The following PARD3 variants were observed in gnomAD, a reference collection of about 807,000 sequenced individuals.
PARD3 encodes par-3 family cell polarity regulator.
In PARD3, 75 loss-of-function variants were observed where a neutral mutation model predicts 155.4. The ratio of observed to expected loss-of-function variants is 0.48; its 90% CI spans 0.40 to 0.58. The LOEUF (loss-of-function observed/expected upper bound fraction) is 0.58, where lower values mean the gene tolerates loss of function less well. PARD3 is among the 20% of genes least tolerant of loss of function. The probability of loss-of-function intolerance (pLI) is 0.00; values close to 1 mark genes in which losing one functional copy is unlikely to be tolerated. For missense variants in PARD3, 1,642 were observed against 1,721.7 expected (o/e 0.95, Z 0.82); for synonymous variants, 576 against 610.5 (o/e 0.94, Z 0.83).
At chr10:34,413,204 A>G (rs575929846) in intron 5 of PARD3, among the ~76,000 whole-genome samples, 1 of 150,858 alleles carries the variant, frequency 6.6e-6, no homozygotes, top group South Asian at 2.1e-4. Context: ...TTTGTAACTG[A>G]TAAGAAACTA....
chr10:34,184,165 C>CA (rs1476524027), intron 22 of PARD3, among the ~76,000 whole-genome samples: 4 of 152,174 alleles, frequency 2.6e-5, no homozygotes, highest in African/African-American at 9.7e-5. Flanking sequence ...CAGACCTTCA[C>CA]ACTGAGGTTT....
chr10:34,765,366 A>C (rs1225357303), intron 1 of PARD3, among the ~76,000 whole-genome samples: 1 of 152,090 alleles, frequency 6.6e-6, no homozygotes, highest in African/African-American at 2.4e-5. Context: ...TTTTGAGTAG[A>C]GCATTTCTTC....
intron 2 of PARD3, among the ~76,000 whole-genome samples, chr10:34,557,667 A>T (rs1476590385): frequency 6.6e-6 from 1 of 152,024 alleles, no homozygotes; most frequent in African/African-American, 2.4e-5. Context: ...CACGTTGCCC[A>T]GGCTGGTCTC....
intron 22 of PARD3, among the ~76,000 whole-genome samples, chr10:34,191,030 A>G (rs1950684313): frequency 1.3e-5 from 2 of 152,116 alleles, no homozygotes; most frequent in South Asian, 2.1e-4. Flanking sequence ...AGGGAGCATC[A>G]GAAAGGCTTT....
At chr10:34,728,242 G>T (rs2094753718) in intron 1 of PARD3, among the ~76,000 whole-genome samples, 1 of 152,074 alleles carries the variant, frequency 6.6e-6, no homozygotes, top group African/African-American at 2.4e-5. Context: ...TTAGGCTCTT[G>T]AATATTTGAC....
chr10:34,386,479 T>C (rs1436714256), intron 7 of PARD3, among the ~76,000 whole-genome samples: 1 of 152,212 alleles, frequency 6.6e-6, no homozygotes, highest in Non-Finnish European at 1.5e-5. Context: ...TAGGATTCCC[T>C]ATTGTTTGTT....
At chr10:34,392,690 G>A (rs1039384353) in intron 7 of PARD3, among the ~76,000 whole-genome samples, 14 of 152,056 alleles carry the variant, frequency 9.2e-5, no homozygotes, top group African/African-American at 3.4e-4. Context: ...GGCTTATATG[G>A]TTTTTTTCAA....
At chr10:34,606,638 CAAAAAAA>C (rs398013195) in intron 2 of PARD3, among the ~76,000 whole-genome samples, 7 of 79,656 alleles carry the variant, frequency 8.8e-5, no homozygotes, top group African/African-American at 9.6e-5. Flanking sequence ...CCCGTGTCTT[CAAAAAAA>C]AAAAAAAAAA....
chr10:34,121,526 T>C (rs1947004241), intron 23 of PARD3, among the ~76,000 whole-genome samples: 3 of 152,248 alleles, frequency 2.0e-5, no homozygotes, highest in Admixed American at 6.5e-5. Flanking sequence ...CAACAGAGTC[T>C]GAACATTCAT....
chr10:34,511,505 G>A (rs2081397390), intron 3 of PARD3, among the ~76,000 whole-genome samples: 1 of 152,162 alleles, frequency 6.6e-6, no homozygotes, highest in South Asian at 2.1e-4. Context: ...ATCCTCACAT[G>A]TAGGAAGGTG....
chr10:34,658,629 A>C (rs1269771346), intron 2 of PARD3, among the ~76,000 whole-genome samples: 1 of 152,168 alleles, frequency 6.6e-6, no homozygotes, highest in Admixed American at 6.5e-5. Context: ...AAAAAATCTA[A>C]AAACGAGAAG....
intron 2 of PARD3, among the ~76,000 whole-genome samples, chr10:34,619,030 T>A (rs984843639): frequency 4.0e-5 from 6 of 151,782 alleles, no homozygotes; most frequent in Non-Finnish European, 7.4e-5. Flanking sequence ...TTCACCAATA[T>A]AGTCCCATAA....
At chr10:34,339,890 A>G (rs769121469) in intron 16 of PARD3, among the ~76,000 whole-genome samples, 2 of 152,220 alleles carry the variant, frequency 1.3e-5, no homozygotes, top group Non-Finnish European at 2.9e-5. Context: ...GGCAGGAATG[A>G]CAGCTGATTC....
chr10:34,577,159 G>A (rs1049679426), intron 2 of PARD3, among the ~76,000 whole-genome samples: 6 of 152,128 alleles, frequency 3.9e-5, no homozygotes, highest in Admixed American at 6.5e-5. Flanking sequence ...GAGCAGCTTC[G>A]AGCTGTAAAT....
intron 22 of PARD3, among the ~76,000 whole-genome samples, chr10:34,134,180 T>C (rs547041574): frequency 1.3e-5 from 2 of 152,342 alleles, no homozygotes; most frequent in Admixed American, 1.3e-4. Context: ...GTTCTTTATG[T>C]GAAACCGTAA....
At chr10:34,229,435 A>T (rs1049957155) in intron 22 of PARD3, among the ~76,000 whole-genome samples, 1 of 151,954 alleles carries the variant, frequency 6.6e-6, no homozygotes, top group South Asian at 2.1e-4. Flanking sequence ...TATTCTAGTG[A>T]TAGGGTCTTG....
intron 22 of PARD3, among the ~76,000 whole-genome samples, chr10:34,177,164 G>C (rs1450004465): frequency 6.6e-6 from 1 of 152,078 alleles, no homozygotes; most frequent in Non-Finnish European, 1.5e-5. Flanking sequence ...ATACAGGTAC[G>C]CTGAAGGCAA....
intron 20 of PARD3, among the ~76,000 whole-genome samples, chr10:34,302,106 G>C (rs1452346496): frequency 6.6e-6 from 1 of 152,052 alleles, no homozygotes; most frequent in Non-Finnish European, 1.5e-5. Context: ...GCCATATCGA[G>C]TCATTTATGA....
At chr10:34,643,746 T>C (rs1303564813) in intron 2 of PARD3, among the ~76,000 whole-genome samples, 1 of 152,094 alleles carries the variant, frequency 6.6e-6, no homozygotes, top group Non-Finnish European at 1.5e-5. Context: ...TGAGACTCCA[T>C]CTCTACCAAA....
Sources: gnomAD v4.1 joint callset for allele counts (sites outside exome capture counted in the v4.1 genomes callset) on GRCh38, gnomAD v4.1.1 for gene constraint, MANE v1.5 for transcripts, NCBI Gene and HGNC (gene_info 2026-07-23, HGNC 2026-07-21) for gene names.